The following DDX60L variants were observed in gnomAD, a reference collection of about 807,000 sequenced individuals.
DDX60L encodes probable ATP-dependent RNA helicase DDX60-like.
DDX60L carries 191 observed loss-of-function variants against 211.6 expected under a neutral mutation model. The observed-to-expected ratio is 0.90, with a 90% confidence interval of 0.80 to 1.02. The LOEUF is 1.02. DDX60L is among the 50% of genes least tolerant of loss of function. The probability of loss-of-function intolerance (pLI) is 0.00; values close to 1 mark genes in which losing one functional copy is unlikely to be tolerated. For synonymous variants in DDX60L, 706 were observed against 694.1 expected, an observed-to-expected ratio of 1.02 and a Z score of -0.27; for missense variants, 2,007 against 1,984.1, an observed-to-expected ratio of 1.01 and a Z score of -0.22.
intron 22 of DDX60L, among the ~76,000 whole-genome samples, chr4:168,408,590 T>A (rs1005360708): frequency 2.0e-5 from 3 of 151,852 alleles, no homozygotes; most frequent in African/African-American, 4.8e-5. Flanking sequence ...AACAAAAGCA[T>A]ATCATACCAC....
Position 168,421,790 on chromosome 4 carries a change from G to A in DDX60L, c.2364C>T (p.Val788=), listed in dbSNP as rs766572909. 5.6e-5 allele frequency: 90 copies of A among 1,614,034 alleles called. No individual in the cohort carries two copies. The Admixed American group carries it at 9.8e-4, about 18-fold the overall frequency. The change falls in exon 17 of 38, where the codon GTC becomes GTT. Residue 788 remains valine (V), a synonymous_variant. Transcript: ENST00000682922. ...CGGGTGCAACGTACACAACCACCCC[G>A]ACATCGCTCTCCCTCAGCACTTTCT... ...CMEKVLRESD[V]GVVVYVAPAK... is the part of the protein sequence containing the mutation.
At chr4:168,435,932 G>A (rs2149968412) in intron 10 of DDX60L, among the ~76,000 whole-genome samples, 1 of 152,274 alleles carries the variant, frequency 6.6e-6, no homozygotes, top group African/African-American at 2.4e-5. Context: ...TGTTGATGGT[G>A]GAAAATGAAC....
rs190284452 is a variant in DDX60L, at chr4:168,382,549, G to A, written c.4116+2063C>T. On this transcript the variant is annotated intron_variant, in intron 30 of 37. Transcript: ENST00000682922. Reference sequence around the variant, plus strand: ...TTTCCTCATTTTTATCTGGAATTAAGAGTGACACATTTGAGAATACATTCA... The same window carrying A: ...TTTCCTCATTTTTATCTGGAATTAAAAGTGACACATTTGAGAATACATTCA... 2.6e-5 allele frequency among the ~76,000 whole-genome samples: 4 copies of A among 151,964 alleles called. No individual in the cohort carries two copies. In the East Asian group the frequency reaches 7.7e-4, roughly 29 times the overall value.
At chr4:168,400,133 T>C (rs1304558305) in intron 26 of DDX60L, among the ~76,000 whole-genome samples, 17 of 152,244 alleles carry the variant, frequency 1.1e-4, no homozygotes, top group Admixed American at 1.1e-3. Flanking sequence ...TTTCTGTTCC[T>C]GCATTAGTTT....
intron 37 of DDX60L, 106 bp from the exon 38 acceptor site, chr4:168,358,382 T>C: frequency 1.2e-6 from 1 of 805,874 alleles, no homozygotes; most frequent in Non-Finnish European, 1.9e-6. Context: ...ATCTATCAGA[T>C]GTAAATATGG....
At chr4:168,407,463 T>C (rs1579436235) in intron 22 of DDX60L, among the ~76,000 whole-genome samples, 1 of 152,206 alleles carries the variant, frequency 6.6e-6, no homozygotes, top group Non-Finnish European at 1.5e-5. Flanking sequence ...GAATCCATTA[T>C]GTACAAAAGG....
At chr4:168,373,287 C>A in intron 35 of DDX60L, among the ~76,000 whole-genome samples, 1 of 152,040 alleles carries the variant, frequency 6.6e-6, no homozygotes, top group East Asian at 1.9e-4. Context: ...TGCTTTGTGG[C>A]CCCCTTTGTA....
rs78444776 is a variant in DDX60L at position 168,472,245 on chromosome 4, C to T, written c.74+210G>A. ...ATTCTGGATAAGGACATATATAACT[C>T]CCAGCTCCATGAATCTGATTGTTTT... On this transcript the variant is annotated intron_variant, in intron 3 of 37. Coordinates refer to ENST00000682922, the MANE Select transcript of DDX60L (RefSeq NM_001012967.3). Among the ~76,000 whole-genome samples the T allele has an allele frequency of 5.9e-3, 902 of 152,204 alleles. 15 individuals carry two copies. The highest frequency in any genetic ancestry group is 4.8e-3 in the Non-Finnish European group (326 of 67,998).
chr4:168,454,758 C>CTTTTTTTTTTTTTT (rs767461447), intron 7 of DDX60L, among the ~76,000 whole-genome samples: 8 of 88,630 alleles, frequency 9.0e-5, no homozygotes, highest in African/African-American at 1.9e-4. Flanking sequence ...AAACAGCTTC[C>CTTTTTTTTTTTTTT]TTTTTTTTTT....
At chr4:168,469,339 A>AC (rs1159855400) in intron 4 of DDX60L, 1 of 152,250 alleles carries the variant, frequency 6.6e-6, no homozygotes, top group African/African-American at 2.4e-5. Context: ...ATGCTGGAAC[A>AC]AATCAACCTC....
chr4:168,472,383 G>T, intron 3 of DDX60L, 72 bp downstream of exon 3: 1 of 1,130,988 alleles, frequency 8.8e-7, no homozygotes, highest in South Asian at 1.4e-5. Flanking sequence ...ATATGTATAT[G>T]GGTTAAGAGG....
chr4:168,452,026 C>T (rs958621124), intron 8 of DDX60L, among the ~76,000 whole-genome samples: 2 of 152,118 alleles, frequency 1.3e-5, no homozygotes, highest in Admixed American at 1.3e-4. Flanking sequence ...CCTTCATATC[C>T]ATCAGCACCT....
At chr4:168,369,862 A>G (rs890626285) in intron 36 of DDX60L, among the ~76,000 whole-genome samples, 8 of 152,196 alleles carry the variant, frequency 5.3e-5, no homozygotes, top group Non-Finnish European at 1.0e-4. Context: ...CAAAACCACC[A>G]TCAAATACCA....
In DDX60L at chr4:168,420,313, G is replaced by A. The variant is rs1422737762; in HGVS notation, c.2462C>T (p.Thr821Ile). 6.8e-6 allele frequency: 11 copies of A among 1,611,884 alleles called. No individual in the cohort carries two copies. Among genetic ancestry groups the A allele is most frequent in the Middle Eastern group, 1.6e-4 (1 of 6,078 alleles). Residue 821 changes from threonine to isoleucine, a missense_variant, in exon 18 of 38, where the codon ACT becomes ATT. By Grantham distance (89) the Thr-to-Ile change is moderately conservative (BLOSUM62 -1). Coordinates refer to ENST00000682922, the MANE Select transcript of DDX60L (RefSeq NM_001012967.3). ...ATCTCTTGTAAAAGCACCGCATAGA[G>A]TTCTGCCGGCAGGCAACGTTTTAGT... ...RFTKTLPAGR[T>I]LCGAFTRDYC...
intron 4 of DDX60L, among the ~76,000 whole-genome samples, chr4:168,467,456 AAAAAAT>A (rs1758148693): frequency 6.6e-6 from 1 of 151,572 alleles, no homozygotes; most frequent in African/African-American, 2.4e-5. Flanking sequence ...AAAAAAAAAA[AAAAAAT>A]GAAAGAAGGA....
chr4:168,390,615 G>A (rs2149718739), intron 29 of DDX60L: 11 of 763,920 alleles, frequency 1.4e-5, no homozygotes, highest in South Asian at 5.0e-5. Flanking sequence ...TTTATATTTC[G>A]AGACTAGGCA....
At position 168,457,961 on chromosome 4, in the gene DDX60L, C is replaced by A; in HGVS notation, c.654G>T (p.Leu218Phe). Residue 218 changes from leucine to phenylalanine, a missense_variant, in exon 6 of 38, where the codon TTG (leucine) becomes TTT (phenylalanine). Leu to Phe is a conservative substitution (Grantham distance 22). Transcript: ENST00000682922. ...CTAATACTAAAACCCTTATTTCTTC[C>A]AAGTGTTGTATGAGGCTTTTATATG... ...QSAYKSLIQH[L>F]EEIRVLVLAT... 1 of 1,570,122 alleles carries A rather than the reference C, an allele frequency of 6.4e-7. No homozygotes were observed. The highest frequency in any genetic ancestry group is 1.8e-5 in the Admixed American group (1 of 54,568).
At chr4:168,373,913 T>C in intron 34 of DDX60L, 105 bp from the exon 35 acceptor site, 1 of 1,165,036 alleles carries the variant, frequency 8.6e-7, no homozygotes, top group Non-Finnish European at 1.2e-6. Context: ...ATTCATCTCA[T>C]CAGAATGAAA....
intron 29 of DDX60L, among the ~76,000 whole-genome samples, chr4:168,390,726 A>T (rs1233355436): frequency 2.0e-5 from 3 of 152,024 alleles, no homozygotes; most frequent in Non-Finnish European, 4.4e-5. Context: ...TCATATAAGG[A>T]AATGAGAAGA....
Sources: allele counts gnomAD v4.1 joint callset (sites outside exome capture counted in the v4.1 genomes callset), GRCh38; gene constraint gnomAD v4.1.1; transcripts MANE v1.5; gene names NCBI Gene and HGNC (gene_info 2026-07-23, HGNC 2026-07-21).